The following PAX7 variants were observed in gnomAD, a reference collection of about 807,000 sequenced individuals.
PAX7 encodes paired box 7, also known as paired box protein Pax-7.
Under a neutral mutation model 50.7 loss-of-function variants are expected in PAX7, and 18 were observed. The observed-to-expected ratio is 0.36, with a 90% CI of 0.25 to 0.53. PAX7 has a LOEUF of 0.53. Among genes scored for constraint, PAX7 ranks in the 20% least tolerant of loss-of-function variants. The pLI is 0.93. For synonymous variants in PAX7, 310 were observed against 290.4 expected (o/e 1.07, Z -0.69); for missense variants, 644 against 702.9 (o/e 0.92, Z 0.95).
intron 4 of PAX7, among the ~76,000 whole-genome samples, chr1:18,675,651 G>A (rs2088812701): frequency 6.6e-6 from 1 of 152,214 alleles, no homozygotes; most frequent in African/African-American, 2.4e-5. Context: ...TAGCCAGGAA[G>A]CCGAAATGAG....
chr1:18,638,634 C>A (rs893630327), intron 4 of PAX7, among the ~76,000 whole-genome samples: 3 of 152,272 alleles, frequency 2.0e-5, no homozygotes, highest in Admixed American at 6.5e-5. Flanking sequence ...ACCCACGGGC[C>A]TTCTGATCTG....
At chr1:18,739,114 A>C (rs1930978654) in intron 8 of PAX7, among the ~76,000 whole-genome samples, 1 of 152,248 alleles carries the variant, frequency 6.6e-6, no homozygotes, top group South Asian at 2.1e-4. Context: ...GGCACTGGGC[A>C]AAATGCATGC....
intron 4 of PAX7, among the ~76,000 whole-genome samples, chr1:18,641,116 C>T (rs1301971646): frequency 1.3e-5 from 2 of 152,248 alleles, no homozygotes; most frequent in Non-Finnish European, 2.9e-5. Flanking sequence ...GGTAAATAAA[C>T]AAAGTCTGCA....
chr1:18,656,689 A>AT (rs1226605798), intron 4 of PAX7, among the ~76,000 whole-genome samples: 3 of 151,058 alleles, frequency 2.0e-5, no homozygotes, highest in South Asian at 2.1e-4. Context: ...AAATGCATGC[A>AT]TAAAAAAAAG....
intron 4 of PAX7, among the ~76,000 whole-genome samples, chr1:18,642,013 AT>A (rs1181958808): frequency 6.7e-6 from 1 of 148,640 alleles, no homozygotes; most frequent in Non-Finnish European, 1.5e-5. Context: ...TTTCAGTGGA[AT>A]TTACATGGAA....
In PAX7 at chr1:18,731,637, C is replaced by T. The variant is rs140952523; in HGVS notation, c.1156-3995C>T. Among the ~76,000 whole-genome samples the T allele has an allele frequency of 4.5e-4, 68 of 152,230 alleles. 1 individual carries two copies. Among genetic ancestry groups the T allele is most frequent in the African/African-American group, 1.5e-3 (63 of 41,524 alleles). On this transcript the variant is annotated intron_variant, in intron 7 of 8. Transcript: ENST00000420770. ...CTCCAGTTGGGTCCTGTCCCATTAGCTTAGACGCTGCCCTGCCTGGAGACA... is the reference window on the plus strand; with the variant it reads ...CTCCAGTTGGGTCCTGTCCCATTAGTTTAGACGCTGCCCTGCCTGGAGACA...
chr1:18,681,344 C>G (rs1023172844), intron 4 of PAX7, among the ~76,000 whole-genome samples: 3 of 152,068 alleles, frequency 2.0e-5, no homozygotes, highest in African/African-American at 7.2e-5. Flanking sequence ...GTTAAAGAGA[C>G]CAAGTTAGAA....
At chr1:18,646,077 C>T (rs937298585) in intron 4 of PAX7, among the ~76,000 whole-genome samples, 1 of 152,236 alleles carries the variant, frequency 6.6e-6, no homozygotes, top group Non-Finnish European at 1.5e-5. Flanking sequence ...ATTCTCCTCC[C>T]TCCCGCTGCC....
intron 8 of PAX7, chr1:18,736,193 G>A: frequency 1.7e-6 from 1 of 582,584 alleles, no homozygotes; most frequent in Non-Finnish European, 3.0e-6. Flanking sequence ...GGCCAGGCGT[G>A]GTGGCTCATG....
rs962528791 is a variant in PAX7, at chr1:18,748,078, G to T, written c.*3149G>T. On this transcript the variant is annotated 3_prime_UTR_variant, in exon 9 of 9. Coordinates refer to ENST00000420770, the MANE Select transcript of PAX7 (RefSeq NM_001135254.2). Reference sequence around the variant, plus strand: ...TAGCTTTGTTGTTCTTTTGCCAGAGGAACATCAAAGGGCAGAGCAAACAGA... The same window carrying T: ...TAGCTTTGTTGTTCTTTTGCCAGAGTAACATCAAAGGGCAGAGCAAACAGA... The T allele has an allele frequency of 4.7e-6, 1 of 212,942 alleles. No individual in the cohort carries two copies. The highest frequency in any genetic ancestry group is 5.9e-5 in the Admixed American group (1 of 17,048). 13.2% of individuals were successfully genotyped at this position (212,942 alleles called of 1,614,324 possible).
intron 8 of PAX7, among the ~76,000 whole-genome samples, chr1:18,743,253 G>A (rs1006403309): frequency 7.2e-5 from 11 of 152,360 alleles, no homozygotes; most frequent in Non-Finnish European, 1.5e-4. Flanking sequence ...GAATAGATGA[G>A]GTGGGATGCC....
At chr1:18,681,164 TAAA>T (rs143668000) in intron 4 of PAX7, among the ~76,000 whole-genome samples, 34,526 of 66,250 alleles carry the variant, frequency 0.52, 8,067 homozygotes, top group Middle Eastern at 0.62. Flanking sequence ...CAAAACTCCG[TAAA>T]AAAAAAAAAA....
chr1:18,713,898 T>A (rs918049007), intron 7 of PAX7, among the ~76,000 whole-genome samples: 8 of 152,166 alleles, frequency 5.3e-5, no homozygotes, highest in Admixed American at 3.3e-4. Context: ...GGAATGAACA[T>A]ACAGACCAGG....
At chr1:18,686,865 C>G (rs1311078443) in intron 4 of PAX7, among the ~76,000 whole-genome samples, 1 of 150,454 alleles carries the variant, frequency 6.6e-6, no homozygotes, top group Non-Finnish European at 1.5e-5. Context: ...GCAAATTACT[C>G]CTATCATCTT....
At chr1:18,703,860 A>G (rs1375116051) in intron 7 of PAX7, among the ~76,000 whole-genome samples, 1 of 152,166 alleles carries the variant, frequency 6.6e-6, no homozygotes, top group Non-Finnish European at 1.5e-5. Context: ...ACATGATCCA[A>G]ACTGATCTGA....
intron 3 of PAX7, among the ~76,000 whole-genome samples, chr1:18,635,529 A>AAGGAAGGAAGGAAGGAAGGAAGGAAG (rs1553133206): frequency 2.0e-4 from 10 of 49,114 alleles, no homozygotes; most frequent in African/African-American, 4.6e-4. Flanking sequence ...AAGGAAGGAA[A>AAGGAAGGAAGGAAGGAAGGAAGGAAG]GAAGGAAGGA....
At chr1:18,675,581 C>G (rs932030293) in intron 4 of PAX7, among the ~76,000 whole-genome samples, 1 of 152,154 alleles carries the variant, frequency 6.6e-6, no homozygotes, top group South Asian at 2.1e-4. Context: ...GACCCCTTCT[C>G]AGGCTGTCCC....
chr1:18,651,048 G>A (rs2088422869), intron 4 of PAX7, among the ~76,000 whole-genome samples: 1 of 152,106 alleles, frequency 6.6e-6, no homozygotes, highest in Non-Finnish European at 1.5e-5. Flanking sequence ...AAGGACCCCT[G>A]GACTTGGAAT....
In PAX7 at chr1:18,746,864, A is replaced by C. The variant is rs931539339; in HGVS notation, c.*1935A>C. On this transcript the variant is annotated 3_prime_UTR_variant, in exon 9 of 9. Coordinates refer to ENST00000420770, the MANE Select transcript of PAX7 (RefSeq NM_001135254.2). Reference sequence around the variant, plus strand: ...TTCTGGACCATGACCAGGCTGGCTCATATCTCTGGTTTAGAGAAACCTATG... The same window carrying C: ...TTCTGGACCATGACCAGGCTGGCTCCTATCTCTGGTTTAGAGAAACCTATG... 1.3e-5 allele frequency: 3 copies of C among 231,564 alleles called. No individual in the cohort carries two copies. Among genetic ancestry groups the C allele is most frequent in the African/African-American group, 6.6e-5 (3 of 45,276 alleles). 14.3% of individuals were successfully genotyped at this position (231,564 alleles called of 1,614,324 possible).
Sources: gnomAD v4.1 joint callset for allele counts (sites outside exome capture counted in the v4.1 genomes callset) on GRCh38, gnomAD v4.1.1 for gene constraint, MANE v1.5 for transcripts, NCBI Gene and HGNC (gene_info 2026-07-23, HGNC 2026-07-21) for gene names.